Variants in TBL1X observed in about 807,000 individuals in gnomAD.
TBL1X encodes the protein transducin beta like 1 X-linked.
A neutral mutation model predicts 50.7 loss-of-function variants in TBL1X; 10 were observed. That is an observed-to-expected ratio of 0.20 (90% CI 0.12 to 0.33). TBL1X has a LOEUF of 0.33. Ranked by LOEUF, TBL1X falls within the 10% of genes least tolerant of loss-of-function variation. TBL1X has a pLI of 1.00. For synonymous variants in TBL1X, 190 were observed against 214.7 expected (o/e 0.88, Z 1.01); for missense variants, 340 against 504.4 (o/e 0.67, Z 3.12).
At chrX:9,562,192 GA>G (rs886693466) in intron 2 of TBL1X, among the ~76,000 whole-genome samples, 1 of 111,934 alleles carries the variant, frequency 8.9e-6, no homozygotes, top group Non-Finnish European at 1.9e-5. Flanking sequence ...TATCTACGGG[GA>G]CAGATTTGAA....
chrX:9,716,514 C>T lies in TBL1X; in HGVS notation c.*268C>T, dbSNP rs1402748288. ...ATTCAGCCTGGGAAGGAGGAAGTCACCAGCTCGAGGCGTGTGGATTGGTTT... is the reference window on the plus strand; with the variant it reads ...ATTCAGCCTGGGAAGGAGGAAGTCATCAGCTCGAGGCGTGTGGATTGGTTT... On this transcript the variant is annotated 3_prime_UTR_variant, in exon 18 of 18. Transcript: ENST00000645353. 2 of 270,651 alleles carry T rather than the reference C, an allele frequency of 7.4e-6. No homozygotes were observed. The highest frequency in any genetic ancestry group is 1.2e-4 in the Admixed American group (2 of 16,719). The allele number at this position is 270,651 out of a possible 1,213,427, so 22.3% of individuals were successfully genotyped here. A position where few individuals can be genotyped will look rare whatever the true frequency, so the allele number is the denominator to read the frequency against.
At chrX:9,712,775 A>C (rs755777020) in intron 16 of TBL1X, among the ~76,000 whole-genome samples, 3 of 112,138 alleles carry the variant, frequency 2.7e-5, no homozygotes, top group Admixed American at 1.9e-4. Flanking sequence ...ACACCTGAGG[A>C]TAGAAGAATT....
At chrX:9,662,505 C>T (rs2082904468) in intron 5 of TBL1X, among the ~76,000 whole-genome samples, 1 of 111,989 alleles carries the variant, frequency 8.9e-6, no homozygotes, top group African/African-American at 3.3e-5. Flanking sequence ...AGGGATACCT[C>T]GAGGAGTCTA....
chrX:9,560,013 C>T (rs372545208), intron 2 of TBL1X, among the ~76,000 whole-genome samples: 45 of 111,839 alleles, frequency 4.0e-4, no homozygotes, highest in African/African-American at 1.3e-3. Context: ...GCGTGTTTTA[C>T]ATATAATATC....
intron 2 of TBL1X, chrX:9,636,401 A>C (rs2082746846): frequency 9.0e-6 from 1 of 110,899 alleles, no homozygotes; most frequent in African/African-American, 3.3e-5. Flanking sequence ...TCTATATTTA[A>C]AAAAAATAAG....
At chrX:9,555,537 T>C (rs747915745) in intron 2 of TBL1X, among the ~76,000 whole-genome samples, 2 of 111,694 alleles carry the variant, frequency 1.8e-5, no homozygotes, top group Admixed American at 9.5e-5. Context: ...CACATATGCT[T>C]TTATTCCTCT....
At chrX:9,567,702 A>G (rs778364446) in intron 2 of TBL1X, among the ~76,000 whole-genome samples, 1 of 111,973 alleles carries the variant, frequency 8.9e-6, no homozygotes, top group African/African-American at 3.2e-5. Flanking sequence ...TCCAGGCCAC[A>G]TCCTCTTTCG....
chrX:9,556,840 A>G (rs1428566979), intron 2 of TBL1X, among the ~76,000 whole-genome samples: 7 of 106,831 alleles, frequency 6.6e-5, no homozygotes, highest in African/African-American at 2.4e-4. Flanking sequence ...CTCAGTTTCT[A>G]GAGGCTGCCC....
At chrX:9,658,665 T>G (rs994695784) in intron 5 of TBL1X, among the ~76,000 whole-genome samples, 1 of 111,790 alleles carries the variant, frequency 8.9e-6, no homozygotes, top group East Asian at 2.8e-4. Context: ...ATTAAATAAT[T>G]CACAGGAACT....
At chrX:9,586,944 G>C (rs1426760095) in intron 2 of TBL1X, among the ~76,000 whole-genome samples, 3 of 112,075 alleles carry the variant, frequency 2.7e-5, no homozygotes, top group Admixed American at 1.9e-4. Context: ...TTACTTTTTT[G>C]TGTGCAGGAA....
intron 1 of TBL1X, among the ~76,000 whole-genome samples, chrX:9,497,773 C>CCTCT (rs1255795207): frequency 0.085 from 6,463 of 76,100 alleles, 329 homozygotes; most frequent in Non-Finnish European, 0.11. Flanking sequence ...TCCCTCCCTC[C>CCTCT]CTCTCTCTCT....
At chrX:9,625,895 A>G (rs940985243) in intron 2 of TBL1X, among the ~76,000 whole-genome samples, 2 of 112,361 alleles carry the variant, frequency 1.8e-5, no homozygotes, top group African/African-American at 6.5e-5. Context: ...GTGAGCCGAG[A>G]TCATGCCACT....
chrX:9,522,050 C>T (rs1307120296), intron 2 of TBL1X, among the ~76,000 whole-genome samples: 19 of 96,476 alleles, frequency 2.0e-4, no homozygotes, highest in Non-Finnish European at 3.0e-4. Flanking sequence ...TGGGGTCTCG[C>T]TTTGTCACCC....
At chrX:9,524,048 A>G (rs1247852776) in intron 2 of TBL1X, among the ~76,000 whole-genome samples, 1 of 94,241 alleles carries the variant, frequency 1.1e-5, no homozygotes, top group Non-Finnish European at 2.0e-5. Flanking sequence ...ACTCACTGCA[A>G]CCTCCACCTC....
intron 3 of TBL1X, among the ~76,000 whole-genome samples, chrX:9,651,010 CCTT>C (rs1569086826): frequency 6.6e-5 from 5 of 75,462 alleles, no homozygotes; most frequent in African/African-American, 2.6e-4. Flanking sequence ...TAGCTGCCAG[CCTT>C]TTTTTTTTTT....
chrX:9,571,969 G>T (rs2082388655), intron 2 of TBL1X, among the ~76,000 whole-genome samples: 1 of 112,022 alleles, frequency 8.9e-6, no homozygotes, highest in Non-Finnish European at 1.9e-5. Flanking sequence ...ACCACATTTT[G>T]TTTATCCATT....
At chrX:9,562,992 C>T (rs1019589957) in intron 2 of TBL1X, among the ~76,000 whole-genome samples, 11 of 112,031 alleles carry the variant, frequency 9.8e-5, no homozygotes, top group African/African-American at 2.3e-4. Context: ...AATGCTTGGA[C>T]GACAGTTTGC....
At chrX:9,468,772 G>A (rs186226346) in intron 1 of TBL1X, among the ~76,000 whole-genome samples, 37 of 110,657 alleles carry the variant, frequency 3.3e-4, no homozygotes, top group African/African-American at 1.2e-3. Context: ...TAGGGGTCGG[G>A]TAGAGGGAGA....
chrX:9,464,361 T>C (rs1450006800), upstream of TBL1X, among the ~76,000 whole-genome samples: 1 of 111,805 alleles, frequency 8.9e-6, no homozygotes, highest in Non-Finnish European at 1.9e-5. Context: ...CTGGCGCCTA[T>C]GCCTGTGTGT....
Sources: allele counts gnomAD v4.1 joint callset (sites outside exome capture counted in the v4.1 genomes callset), GRCh38; gene constraint gnomAD v4.1.1; transcripts MANE v1.5; gene names NCBI Gene and HGNC (gene_info 2026-07-23, HGNC 2026-07-21).